The following UBR3 variants were observed in gnomAD, a reference collection of about 807,000 sequenced individuals.
The protein encoded by UBR3 is ubiquitin protein ligase E3 component n-recognin 3.
UBR3 carries 85 observed loss-of-function variants against 243.2 expected under a neutral mutation model. The observed-to-expected ratio is 0.35, with a 90% confidence interval of 0.29 to 0.42. The LOEUF is 0.42. Among genes scored for constraint, UBR3 ranks in the 10% least tolerant of loss-of-function variants. The pLI, the probability that UBR3 is intolerant of heterozygous loss-of-function variation, is 1.00. For missense variants in UBR3, 1,686 were observed against 2,300.8 expected, an observed-to-expected ratio of 0.73 and a Z score of 5.47; for synonymous variants, 748 against 799.8, an observed-to-expected ratio of 0.94 and a Z score of 1.09.
chr2:169,966,904 A>G (rs1289011181), intron 24 of UBR3, among the ~76,000 whole-genome samples: 2 of 152,148 alleles, frequency 1.3e-5, no homozygotes, highest in African/African-American at 2.4e-5. Flanking sequence ...ATTAATGATA[A>G]TAAACATTAT....
chr2:169,848,138 A>G (rs915247279), intron 1 of UBR3, among the ~76,000 whole-genome samples: 1 of 152,172 alleles, frequency 6.6e-6, no homozygotes, highest in South Asian at 2.1e-4. Context: ...CTTCCCATCT[A>G]TCACAGATTA....
intron 10 of UBR3, among the ~76,000 whole-genome samples, chr2:169,911,570 T>C (rs986994303): frequency 6.6e-6 from 1 of 151,920 alleles, no homozygotes; most frequent in Admixed American, 6.6e-5. Flanking sequence ...AGTGGGAAAA[T>C]AGGAGAGAGA....
chr2:169,827,520 G>A lies in UBR3; in HGVS notation c.13G>A (p.Ala5Thr). 1 of 1,225,334 alleles carries A rather than the reference G, an allele frequency of 8.2e-7. No homozygotes were observed. The highest frequency in any genetic ancestry group is 1.0e-6 in the Non-Finnish European group (1 of 983,336). The allele number at this position is 1,225,334 out of a possible 1,614,324, so 75.9% of individuals were successfully genotyped here. Residue 5 changes from alanine (A) to threonine (T), a missense_variant, in exon 1 of 39, where the codon GCC (alanine) becomes ACC (threonine). This residue lies in a region of UBR3 where 79 missense variants were observed against 73.2 expected (regional missense o/e 1.08). Coordinates refer to ENST00000272793, the MANE Select transcript of UBR3 (RefSeq NM_172070.4). The part of the protein sequence containing the change: MAAA[A>T]AAAVGGQQPS... ...CTGAGCTCTCATCATGGCGGCGGCG[G>A]CCGCGGCGGCCGTCGGGGGCCAGCA...
Position 169,911,699 on chromosome 2 carries a change from C to T in UBR3, c.1780-2361C>T, listed in dbSNP as rs188772509. On this transcript the variant is annotated intron_variant, in intron 10 of 38. Transcript: ENST00000272793. ...TCTCCAGAAGGGTGGTACCAGTTTACACTTGCGCTAAGAGCATGTAATGGT... is the reference window on the plus strand; with the variant it reads ...TCTCCAGAAGGGTGGTACCAGTTTATACTTGCGCTAAGAGCATGTAATGGT... 2.0e-5 allele frequency among the ~76,000 whole-genome samples: 3 copies of T among 152,232 alleles called. No individual in the cohort carries two copies. The East Asian group carries it at 5.8e-4, about 29-fold the overall frequency.
chr2:169,950,991 C>T (rs2087002979), intron 23 of UBR3, among the ~76,000 whole-genome samples: 1 of 151,902 alleles, frequency 6.6e-6, no homozygotes, highest in African/African-American at 2.4e-5. Context: ...AGTCATTGCT[C>T]ACTTCTCTGA....
chr2:169,936,886 G>A (rs2105353147), intron 19 of UBR3, among the ~76,000 whole-genome samples: 1 of 152,270 alleles, frequency 6.6e-6, no homozygotes, highest in South Asian at 2.1e-4. Flanking sequence ...ATTCCACGGT[G>A]TATATGTGCC....
At position 170,081,760 on chromosome 2, in the gene UBR3, T is replaced by C; in HGVS notation, c.5584T>C (p.Tyr1862His). 6.2e-7 allele frequency: 1 copy of C among 1,608,832 alleles called. No homozygotes were observed. Among genetic ancestry groups the C allele is most frequent in the Non-Finnish European group, 8.5e-7 (1 of 1,177,396 alleles). Residue 1862 changes from tyrosine (Y) to histidine (H), a missense_variant, in exon 39 of 39, where the codon TAC becomes CAC. By Grantham distance (83) the Tyr-to-His change is moderately conservative. Transcript: ENST00000272793. ...ACCTCTCTACATTTGTAAGGAAAGA[T>C]ACAAAGTTCTTGAGCAACAGTGGAT... Reference protein sequence around the residue: ...GKPLYICKERYKVLEQQWISH... With the variant: ...GKPLYICKERHKVLEQQWISH...
intron 27 of UBR3, among the ~76,000 whole-genome samples, chr2:170,003,029 A>G (rs562986837): frequency 5.3e-5 from 8 of 152,262 alleles, no homozygotes; most frequent in Admixed American, 4.6e-4. Flanking sequence ...CAGAAGCAGT[A>G]GATATCTCTT....
rs760998564 is a variant in UBR3, at chr2:169,891,150, A to G, written c.1039-15A>G. 10 of 1,543,022 alleles carry G rather than the reference A, an allele frequency of 6.5e-6. No individual in the cohort carries two copies. Among genetic ancestry groups the G allele is most frequent in the East Asian group, 4.9e-5 (2 of 40,732 alleles). On this transcript the variant is annotated splice_polypyrimidine_tract_variant and intron_variant, in intron 5 of 38. Coordinates refer to ENST00000272793, the MANE Select transcript of UBR3 (RefSeq NM_172070.4). ...GAATGTGACTGTGTATAATGCTAAT[A>G]TTATTTTCCTTCAGGATGATCAGGA...
chr2:169,860,042 A>G (rs2083035563), intron 1 of UBR3, among the ~76,000 whole-genome samples: 2 of 152,054 alleles, frequency 1.3e-5, no homozygotes, highest in South Asian at 4.1e-4. Context: ...TACAAGTTTG[A>G]TACAGTTCTA....
intron 5 of UBR3, among the ~76,000 whole-genome samples, chr2:169,887,106 CTG>C (rs2084130582): frequency 1.3e-5 from 2 of 152,178 alleles, no homozygotes; most frequent in African/African-American, 2.4e-5. Context: ...GAGAAACCAT[CTG>C]TAGATTTTGC....
chr2:169,870,607 G>A (rs1339665161), intron 1 of UBR3, among the ~76,000 whole-genome samples: 5 of 151,742 alleles, frequency 3.3e-5, no homozygotes, highest in African/African-American at 1.2e-4. Flanking sequence ...ATTCTATTGG[G>A]ATGTAAATCT....
intron 19 of UBR3, among the ~76,000 whole-genome samples, chr2:169,939,509 C>T (rs981338608): frequency 6.6e-5 from 10 of 151,806 alleles, no homozygotes; most frequent in South Asian, 2.1e-4. Flanking sequence ...CCTCGTGATC[C>T]GCCCACCTCA....
chr2:169,880,000 A>T lies in UBR3; in HGVS notation c.1038+1426A>T, dbSNP rs188390667. On this transcript the variant is annotated intron_variant, in intron 5 of 38. Coordinates refer to ENST00000272793, the MANE Select transcript of UBR3 (RefSeq NM_172070.4). ...ACTGCTAATTCTTCGTATGCCAAAG[A>T]AGGAAGTAATTGGTAATACACATAT... Among the ~76,000 whole-genome samples the T allele has an allele frequency of 5.0e-3, 768 of 152,288 alleles. 3 individuals are homozygous for T. Among genetic ancestry groups the T allele is most frequent in the Admixed American group, 9.1e-3 (140 of 15,302 alleles).
intron 5 of UBR3, among the ~76,000 whole-genome samples, chr2:169,881,099 A>T (rs1017083421): frequency 6.6e-6 from 1 of 152,202 alleles, no homozygotes; most frequent in Non-Finnish European, 1.5e-5. Context: ...TGTTTTTGTT[A>T]TAGCTGAGAA....
intron 31 of UBR3, among the ~76,000 whole-genome samples, chr2:170,037,081 A>T (rs954026119): frequency 3.9e-5 from 6 of 152,246 alleles, no homozygotes; most frequent in Admixed American, 3.9e-4. Flanking sequence ...TTAGGTGAAG[A>T]TCTAAAATTT....
At chr2:169,878,392 A>C (rs536658221) in intron 4 of UBR3, 133 bp from the exon 5 acceptor site, 88 of 809,934 alleles carry the variant, frequency 1.1e-4, no homozygotes, top group Non-Finnish European at 1.6e-4. Flanking sequence ...GACTTTGCCA[A>C]GATAACTGTT....
Position 169,844,294 on chromosome 2 carries a change from C to T in UBR3, c.545+16242C>T, listed in dbSNP as rs541272242. ...GATTACAGGCGTGAGCCACTGCACC[C>T]GGCCTCATATTCGATTTCTTTAGTG... On this transcript the variant is annotated intron_variant, in intron 1 of 38. Transcript: ENST00000272793. 6.6e-5 allele frequency among the ~76,000 whole-genome samples: 10 copies of T among 152,058 alleles called. No individual in the cohort carries two copies. The South Asian group carries it at 1.2e-3, about 19-fold the overall frequency.
At chr2:170,032,630 T>G (rs2090708973) in intron 31 of UBR3, among the ~76,000 whole-genome samples, 1 of 135,646 alleles carries the variant, frequency 7.4e-6, no homozygotes, top group Admixed American at 8.0e-5. Flanking sequence ...CCAGTTATTT[T>G]GTAGCATGTC....
Sources: gnomAD v4.1 joint callset for allele counts (sites outside exome capture counted in the v4.1 genomes callset) on GRCh38, gnomAD v4.1.1 for gene constraint, gnomAD v4.1.1 regional missense constraint, MANE v1.5 for transcripts, NCBI Gene and HGNC (gene_info 2026-07-23, HGNC 2026-07-21) for gene names.